THSD7B: variants seen among roughly 807,000 people sequenced by gnomAD.
The protein encoded by THSD7B is thrombospondin type 1 domain containing 7B.
THSD7B carries 138 observed loss-of-function variants against 213.6 expected under a neutral mutation model. The observed-to-expected ratio is 0.65, with a 90% CI of 0.56 to 0.74. THSD7B has a LOEUF of 0.74. Among genes scored for constraint, THSD7B ranks in the 30% least tolerant of loss-of-function variants. THSD7B has a pLI of 0.00. For missense variants in THSD7B, 1,931 were observed against 1,991.5 expected (o/e 0.97, Z 0.58); for synonymous variants, 742 against 687.0 (o/e 1.08, Z -1.25).
chr2:136,885,275 G>T (rs1159529357), intron 2 of THSD7B, among the ~76,000 whole-genome samples: 3 of 150,188 alleles, frequency 2.0e-5, no homozygotes, highest in African/African-American at 7.4e-5. Context: ...CGGTAGGTCC[G>T]ATGTTAGTCA....
chr2:137,601,556 T>C (rs1318873976), intron 17 of THSD7B, among the ~76,000 whole-genome samples: 2 of 152,206 alleles, frequency 1.3e-5, no homozygotes, highest in African/African-American at 4.8e-5. Flanking sequence ...TGTAAGTACA[T>C]TTTATGATAT....
intron 4 of THSD7B, among the ~76,000 whole-genome samples, chr2:137,111,386 A>G (rs1303572116): frequency 6.6e-6 from 1 of 152,164 alleles, no homozygotes; most frequent in Non-Finnish European, 1.5e-5. Context: ...TATCTGATTG[A>G]GTAAATGGGT....
At chr2:137,293,169 G>A (rs1288438438) in intron 12 of THSD7B, among the ~76,000 whole-genome samples, 1 of 151,580 alleles carries the variant, frequency 6.6e-6, no homozygotes, top group Non-Finnish European at 1.5e-5. Flanking sequence ...TTGAGACATG[G>A]TCTGTATCAT....
intron 3 of THSD7B, among the ~76,000 whole-genome samples, chr2:137,067,677 A>G (rs939886990): frequency 2.0e-5 from 3 of 152,044 alleles, no homozygotes; most frequent in Non-Finnish European, 4.4e-5. Context: ...CTCCCAACTC[A>G]GGTAAGACAG....
At chr2:137,407,172 T>C (rs1256578668) in intron 13 of THSD7B, among the ~76,000 whole-genome samples, 2 of 152,208 alleles carry the variant, frequency 1.3e-5, no homozygotes, top group African/African-American at 4.8e-5. Context: ...TTATTCATTT[T>C]ACAACCAGTA....
At chr2:137,185,977 T>C (rs1680543630) in intron 7 of THSD7B, among the ~76,000 whole-genome samples, 1 of 152,216 alleles carries the variant, frequency 6.6e-6, no homozygotes, top group Non-Finnish European at 1.5e-5. Context: ...TGCATTTCTC[T>C]GATGATTAGT....
rs1304042843 is a variant in THSD7B at position 137,448,834 on chromosome 2, AAC to A, written c.2960-2009_2960-2008del. On this transcript the variant is annotated intron_variant, in intron 14 of 27. Transcript: ENST00000409968. ...CAACAACAACAACAACAACAACAAC[AAC>A]AAAAACTACCCTTTCCTGGGTCCCA... Among the ~76,000 whole-genome samples, 534 of 150,978 alleles carry A rather than the reference AAC, an allele frequency of 3.5e-3. 4 individuals are homozygous for A. The highest frequency in any genetic ancestry group is 0.012 in the African/African-American group (489 of 41,106).
intron 3 of THSD7B, among the ~76,000 whole-genome samples, chr2:137,086,898 T>C (rs1332315090): frequency 1.3e-5 from 2 of 152,340 alleles, no homozygotes; most frequent in East Asian, 1.9e-4. Flanking sequence ...GCAATACTCC[T>C]AGGGGAAATC....
chr2:137,115,481 G>A lies in THSD7B; in HGVS notation c.1369+188G>A, dbSNP rs1307135323. The stretch of plus-strand genomic sequence containing the variant: ...ACACTTGGGATAGTTAAAAATAGTA[G>A]CAAAAATAATATGTCTCCCAAGAGT... On this transcript the variant is annotated intron_variant, in intron 5 of 27. Transcript: ENST00000409968. Among the ~76,000 whole-genome samples, 3 of 152,084 alleles carry A rather than the reference G, an allele frequency of 2.0e-5. No homozygotes were observed. The East Asian group carries it at 5.8e-4, about 29-fold the overall frequency.
chr2:137,007,114 C>T (rs13426547), intron 2 of THSD7B, among the ~76,000 whole-genome samples: 4 of 152,054 alleles, frequency 2.6e-5, no homozygotes, highest in African/African-American at 4.8e-5. Context: ...CATGTGGCAT[C>T]GTTGCATATG....
chr2:136,930,864 G>A (rs901180784), intron 2 of THSD7B, among the ~76,000 whole-genome samples: 2 of 151,886 alleles, frequency 1.3e-5, no homozygotes, highest in African/African-American at 4.8e-5. Context: ...ATTTATAATC[G>A]ATATAACACA....
intron 17 of THSD7B, among the ~76,000 whole-genome samples, chr2:137,606,739 G>T (rs1682187068): frequency 6.6e-6 from 1 of 152,064 alleles, no homozygotes; most frequent in Non-Finnish European, 1.5e-5. Context: ...TTTGGTTCTT[G>T]AATGGCTGGG....
chr2:137,279,563 T>C (rs550938973), intron 12 of THSD7B, among the ~76,000 whole-genome samples: 2 of 151,944 alleles, frequency 1.3e-5, no homozygotes, highest in African/African-American at 4.8e-5. Context: ...AATAATGAAA[T>C]AAAGTGATCG....
chr2:136,945,472 A>G (rs1489994776), intron 2 of THSD7B, among the ~76,000 whole-genome samples: 2 of 152,130 alleles, frequency 1.3e-5, no homozygotes, highest in African/African-American at 2.4e-5. Flanking sequence ...CTTGAGGAGT[A>G]TCTTTGTGGT....
chr2:137,423,436 G>T (rs1424891700), intron 14 of THSD7B, among the ~76,000 whole-genome samples: 2 of 152,032 alleles, frequency 1.3e-5, no homozygotes, highest in African/African-American at 2.4e-5. Context: ...AAAGAATTTA[G>T]CAGGTTTGCA....
At chr2:136,895,198 C>CAAT (rs1558842387) in intron 2 of THSD7B, among the ~76,000 whole-genome samples, 1 of 152,108 alleles carries the variant, frequency 6.6e-6, no homozygotes, top group Non-Finnish European at 1.5e-5. Flanking sequence ...ATAGGCCTTA[C>CAAT]AATAGCCCTG....
chr2:137,460,897 T>C (rs1398899497), intron 15 of THSD7B, among the ~76,000 whole-genome samples: 1 of 152,092 alleles, frequency 6.6e-6, no homozygotes. Context: ...ATAACTACTA[T>C]TCAGATTTTT....
At chr2:136,793,934 A>T (rs1682013797) in intron 1 of THSD7B, among the ~76,000 whole-genome samples, 1 of 151,760 alleles carries the variant, frequency 6.6e-6, no homozygotes, top group Admixed American at 6.6e-5. Context: ...TTATAGATAC[A>T]AATTTTCATT....
At chr2:137,084,105 A>AT (rs11382520) in intron 3 of THSD7B, among the ~76,000 whole-genome samples, 152,233 of 152,234 alleles carry the variant, frequency 1, 76,116 homozygotes, top group Non-Finnish European at 1. Flanking sequence ...TTCAGGGTAG[A>AT]TTAGCTCTCT....
Sources: gnomAD v4.1 joint callset for allele counts (sites outside exome capture counted in the v4.1 genomes callset) on GRCh38, gnomAD v4.1.1 for gene constraint, MANE v1.5 for transcripts, NCBI Gene and HGNC (gene_info 2026-07-23, HGNC 2026-07-21) for gene names.